DGKB: variants seen among roughly 807,000 people sequenced by gnomAD.
The protein encoded by DGKB is diacylglycerol kinase beta.
DGKB carries 67 observed loss-of-function variants against 114.3 expected under a neutral mutation model. The ratio of observed to expected loss-of-function variants is 0.59; its 90% CI spans 0.48 to 0.72. The LOEUF (loss-of-function observed/expected upper bound fraction) is 0.72, where lower values mean the gene tolerates loss of function less well. DGKB is among the 30% of genes least tolerant of loss of function. DGKB has a pLI of 0.00. For missense variants in DGKB, 907 were observed against 975.2 expected (o/e 0.93, Z 0.93); for synonymous variants, 398 against 323.1 (o/e 1.23, Z -2.49).
chr7:14,492,432 A>G (rs1231441380), intron 20 of DGKB, among the ~76,000 whole-genome samples: 2 of 152,076 alleles, frequency 1.3e-5, no homozygotes, highest in African/African-American at 4.8e-5. Flanking sequence ...GGCACTTAAA[A>G]TATTTGCTCA....
intron 25 of DGKB, among the ~76,000 whole-genome samples, chr7:14,165,322 G>T (rs534906572): frequency 6.6e-6 from 1 of 152,176 alleles, no homozygotes; most frequent in African/African-American, 2.4e-5. Context: ...CTGAGATTCT[G>T]TAATAAAAGA....
chr7:14,645,935 G>A (rs903095689), intron 13 of DGKB, among the ~76,000 whole-genome samples: 1 of 151,960 alleles, frequency 6.6e-6, no homozygotes, highest in Non-Finnish European at 1.5e-5. Flanking sequence ...CAAGCAAACT[G>A]CAAAAAATAA....
chr7:14,968,714 T>C (rs1000617848), intron 1 of DGKB, among the ~76,000 whole-genome samples: 8 of 152,206 alleles, frequency 5.3e-5, no homozygotes, highest in Admixed American at 1.3e-4. Context: ...GGCCCTTTGC[T>C]CTGGAAAAGC....
chr7:14,955,863 G>T (rs1252697145), intron 1 of DGKB, among the ~76,000 whole-genome samples: 1 of 152,092 alleles, frequency 6.6e-6, no homozygotes, highest in Middle Eastern at 3.4e-3. Context: ...AACAGACAGC[G>T]TATTTGAAGG....
At chr7:14,912,883 T>C (rs1027456250) in intron 1 of DGKB, among the ~76,000 whole-genome samples, 2 of 152,192 alleles carry the variant, frequency 1.3e-5, no homozygotes, top group Non-Finnish European at 2.9e-5. Context: ...AGCACTTCTC[T>C]GTTCCTTTTA....
At chr7:14,778,541 C>T (rs2358068) in intron 2 of DGKB, among the ~76,000 whole-genome samples, 30,904 of 152,008 alleles carry the variant, frequency 0.2, 4,117 homozygotes, top group African/African-American at 0.36. Flanking sequence ...ACTCTGTAGC[C>T]CTTGGCAGAT....
intron 5 of DGKB, among the ~76,000 whole-genome samples, chr7:14,729,282 C>T (rs1420398860): frequency 7.3e-6 from 1 of 137,218 alleles, no homozygotes; most frequent in African/African-American, 2.5e-5. Flanking sequence ...GCCACCACAT[C>T]CGGCTAATTT....
intron 1 of DGKB, among the ~76,000 whole-genome samples, chr7:14,925,855 A>C (rs36859): frequency 0.13 from 18,595 of 147,050 alleles, 1,517 homozygotes; most frequent in Non-Finnish European, 0.19. Context: ...TGCAAATAGG[A>C]ATAATTGGGT....
intron 1 of DGKB, among the ~76,000 whole-genome samples, chr7:14,863,601 A>C: frequency 6.6e-6 from 1 of 152,218 alleles, no homozygotes; most frequent in South Asian, 2.1e-4. Flanking sequence ...GAATTAAAAT[A>C]TAGTTTAAAG....
chr7:14,930,425 T>C (rs1237440402), intron 1 of DGKB, among the ~76,000 whole-genome samples: 1 of 152,180 alleles, frequency 6.6e-6, no homozygotes, highest in Non-Finnish European at 1.5e-5. Flanking sequence ...ACAGACCTTT[T>C]ATTCCTTGTT....
chr7:14,669,958 A>C (rs1409916728), intron 13 of DGKB, among the ~76,000 whole-genome samples: 2 of 152,208 alleles, frequency 1.3e-5, no homozygotes, highest in Non-Finnish European at 2.9e-5. Context: ...TTAAACAATC[A>C]GCTTTTGTTT....
chr7:14,174,393 G>A (rs1376549158), intron 25 of DGKB, among the ~76,000 whole-genome samples: 1 of 152,102 alleles, frequency 6.6e-6, no homozygotes, highest in African/African-American at 2.4e-5. Context: ...TCTCCAACTG[G>A]ATGTACAGGA....
intron 23 of DGKB, among the ~76,000 whole-genome samples, chr7:14,184,942 G>T (rs145232521): frequency 1.3e-5 from 2 of 152,110 alleles, no homozygotes; most frequent in Non-Finnish European, 2.9e-5. Flanking sequence ...GAAGTTGAAA[G>T]CATTCCCTCT....
intron 23 of DGKB, among the ~76,000 whole-genome samples, chr7:14,253,124 T>C (rs532519392): frequency 6.6e-6 from 1 of 151,688 alleles, no homozygotes; most frequent in Admixed American, 6.6e-5. Context: ...AACCTCCGCC[T>C]CCCGGGTTCA....
At chr7:14,936,577 A>C (rs1482441144) in intron 1 of DGKB, among the ~76,000 whole-genome samples, 1 of 152,160 alleles carries the variant, frequency 6.6e-6, no homozygotes, top group African/African-American at 2.4e-5. Flanking sequence ...ATGTCTTCAA[A>C]AAGAAGCAGG....
intron 23 of DGKB, among the ~76,000 whole-genome samples, chr7:14,304,016 TCTG>T (rs1295958611): frequency 6.6e-6 from 1 of 150,872 alleles, no homozygotes. Context: ...ATGTTACCTG[TCTG>T]CTATTATACA....
chr7:14,326,660 G>C (rs993437614), intron 23 of DGKB, among the ~76,000 whole-genome samples: 2 of 152,114 alleles, frequency 1.3e-5, no homozygotes, highest in African/African-American at 4.8e-5. Context: ...TTCCTTTGCG[G>C]GAATGGCATA....
At chr7:14,275,280 A>G (rs568652809) in intron 23 of DGKB, among the ~76,000 whole-genome samples, 2 of 152,018 alleles carry the variant, frequency 1.3e-5, no homozygotes, top group African/African-American at 4.8e-5. Flanking sequence ...TATAGTCCCA[A>G]CTCCTAATAC....
At chr7:14,561,215 C>G (rs1425019008) in intron 20 of DGKB, among the ~76,000 whole-genome samples, 6 of 152,122 alleles carry the variant, frequency 3.9e-5, no homozygotes, top group Non-Finnish European at 5.9e-5. Context: ...ATGGAGAGTT[C>G]CCCTGCACAC....
Sources: gnomAD v4.1 joint callset for allele counts (sites outside exome capture counted in the v4.1 genomes callset) on GRCh38, gnomAD v4.1.1 for gene constraint, MANE v1.5 for transcripts, NCBI Gene and HGNC (gene_info 2026-07-23, HGNC 2026-07-21) for gene names.